NACC1: variants seen among roughly 807,000 people sequenced by gnomAD.
NACC1 encodes nucleus accumbens-associated protein 1.
NACC1 carries 6 observed loss-of-function variants against 41.7 expected under a neutral mutation model. The observed-to-expected ratio is 0.14, with a 90% CI of 0.08 to 0.28. The LOEUF is 0.28. Among genes scored for constraint, NACC1 ranks in the 10% least tolerant of loss-of-function variants. The probability of loss-of-function intolerance (pLI) is 1.00; values close to 1 mark genes in which losing one functional copy is unlikely to be tolerated. For missense variants in NACC1, 434 were observed against 763.7 expected, an observed-to-expected ratio of 0.57 and a Z score of 5.09; for synonymous variants, 338 against 330.6, an observed-to-expected ratio of 1.02 and a Z score of -0.24.
intron 1 of NACC1, among the ~76,000 whole-genome samples, chr19:13,127,334 A>C (rs1168600592): frequency 2.8e-4 from 20 of 70,580 alleles, no homozygotes; most frequent in Non-Finnish European, 1.3e-4. Context: ...CGTCTCTACC[A>C]AAAAAAAAAA....
At chr19:13,124,174 G>A (rs184492021) in intron 1 of NACC1, among the ~76,000 whole-genome samples, 259 of 152,252 alleles carry the variant, frequency 1.7e-3, no homozygotes, top group Middle Eastern at 0.017. Flanking sequence ...TGAGGTGGGC[G>A]GATCACTTGA....
At chr19:13,128,420 TA>T (rs1185105991) in intron 1 of NACC1, among the ~76,000 whole-genome samples, 1 of 152,222 alleles carries the variant, frequency 6.6e-6, no homozygotes, top group Non-Finnish European at 1.5e-5. Flanking sequence ...ATACCACCGT[TA>T]TGACCTCAAT....
chr19:13,136,281 T>C lies in NACC1; in HGVS notation c.996T>C (p.Asn332=). 6.2e-7 allele frequency: 1 copy of C among 1,613,904 alleles called. No homozygotes were observed. Among genetic ancestry groups the C allele is most frequent in the Non-Finnish European group, 8.5e-7 (1 of 1,179,966 alleles). Residue 332 remains asparagine, a synonymous_variant, in exon 3 of 6, where the codon AAT becomes AAC. Transcript: ENST00000292431. The surrounding 1 kb of genome is among the most constrained non-coding windows in gnomAD (Gnocchi z 5.5). ...AGCAGGTAGCCCCCGAGTCCCGAAATCGCATCCGGGTTCGGCAAGACCTGG... is the reference window on the plus strand; with the variant it reads ...AGCAGGTAGCCCCCGAGTCCCGAAACCGCATCCGGGTTCGGCAAGACCTGG... ...LPEQVAPESR[N]RIRVRQDLAS...
chr19:13,127,693 G>GA lies in NACC1; in HGVS notation c.-8-7496dup, dbSNP rs71168659. ...CGAGACTCTGCCTCAAAAAAAAAAA[G>GA]AAAAAAAAAAATTAGCTGGATGTAG... On this transcript the variant is annotated intron_variant, in intron 1 of 5. Transcript: ENST00000292431. Among the ~76,000 whole-genome samples, 175 of 146,760 alleles carry GA rather than the reference G, an allele frequency of 1.2e-3. 1 individual carries two copies. The Middle Eastern group carries it at 0.017, about 14-fold the overall frequency.
Position 13,137,603 on chromosome 19 carries a change from G to T in NACC1, c.1324+28G>T. 1.3e-6 allele frequency: 2 copies of T among 1,536,932 alleles called. No individual in the cohort carries two copies. The highest frequency in any genetic ancestry group is 1.8e-6 in the Non-Finnish European group (2 of 1,137,096). ...GAGTGTTGGCCCAGCTGGACGAGGC[G>T]TGGGCCCGGGGCACGCAGGTTGACG... On this transcript the variant is annotated intron_variant, in intron 5 of 5. Coordinates refer to ENST00000292431, the MANE Select transcript of NACC1 (RefSeq NM_052876.4). The surrounding 1 kb of genome is among the most constrained non-coding windows in gnomAD (Gnocchi z 6.1).
intron 1 of NACC1, among the ~76,000 whole-genome samples, chr19:13,129,514 G>A (rs1323253506): frequency 6.6e-6 from 1 of 152,166 alleles, no homozygotes; most frequent in Non-Finnish European, 1.5e-5. Context: ...CCACACTGCA[G>A]CTCACCCCTG....
intron 1 of NACC1, among the ~76,000 whole-genome samples, chr19:13,124,564 GT>G (rs1255860163): frequency 6.6e-6 from 1 of 152,142 alleles, no homozygotes; most frequent in Non-Finnish European, 1.5e-5. Context: ...TTCACTAACT[GT>G]TTTCCTGGAC....
chr19:13,131,445 G>A (rs2019633307), intron 1 of NACC1: 1 of 152,220 alleles, frequency 6.6e-6, no homozygotes, highest in African/African-American at 2.4e-5. Flanking sequence ...GCTGCCCAGG[G>A]AGGTGGTTCA....
chr19:13,132,906 G>C (rs957424641), intron 1 of NACC1, among the ~76,000 whole-genome samples: 3 of 152,194 alleles, frequency 2.0e-5, no homozygotes, highest in Non-Finnish European at 4.4e-5. Context: ...GAGCAGGTCG[G>C]TGCTGGAGCC....
rs1245933408 is a variant in NACC1 at position 13,127,400 on chromosome 19, T to TTTTTTC, written c.-8-7800_-8-7799insTTTTTC. On this transcript the variant is annotated intron_variant, in intron 1 of 5. Coordinates refer to ENST00000292431, the MANE Select transcript of NACC1 (RefSeq NM_052876.4). ...TTTTTTTTTTTTTTTTTTTTTTTTT[T>TTTTTTC]CGGTTAACTGGATGGGCCGGGTGCC... Among the ~76,000 whole-genome samples, 13 of 100,870 alleles carry TTTTTTC rather than the reference T, an allele frequency of 1.3e-4. 2 individuals are homozygous for TTTTTTC. The highest frequency in any genetic ancestry group is 4.7e-4 in the African/African-American group (12 of 25,596). The allele number at this position is 100,870 out of a possible 152,430, so 66.2% of individuals were successfully genotyped here. A position where few individuals can be genotyped will look rare whatever the true frequency, so the allele number is the denominator to read the frequency against.
At position 13,136,189 on chromosome 19, in the gene NACC1, C is replaced by G; in HGVS notation, c.946+36C>G. 6.2e-7 allele frequency: 1 copy of G among 1,603,688 alleles called. No individual in the cohort carries two copies. Among genetic ancestry groups the G allele is most frequent in the South Asian group, 1.1e-5 (1 of 89,728 alleles). ...GTCCTGTCCCCCATCCCACCAGCCA[C>G]CCCTGCTCCTCCTGCCACTCGCGTG... On this transcript the variant is annotated intron_variant, in intron 2 of 5. Transcript: ENST00000292431. The surrounding 1 kb of genome is among the most constrained non-coding windows in gnomAD (Gnocchi z 5.5).
At chr19:13,125,437 T>C (rs1031301080) in intron 1 of NACC1, among the ~76,000 whole-genome samples, 45 of 124,740 alleles carry the variant, frequency 3.6e-4, no homozygotes, top group Non-Finnish European at 7.1e-4. Flanking sequence ...TTTTTTTTGG[T>C]GAGACGGAGA....
At chr19:13,135,084 G>C (rs569892572) in intron 1 of NACC1, 116 bp from the exon 2 acceptor site, 2 of 1,431,624 alleles carry the variant, frequency 1.4e-6, no homozygotes, top group Non-Finnish European at 1.8e-6. Flanking sequence ...TCCATCGTGC[G>C]GATGTCCCTC....
At chr19:13,134,635 C>G (rs1462320696) in intron 1 of NACC1, among the ~76,000 whole-genome samples, 6 of 152,212 alleles carry the variant, frequency 3.9e-5, no homozygotes, top group Non-Finnish European at 7.3e-5. Context: ...TCCCAAAGTG[C>G]TGAGATTACA....
chr19:13,136,743 C>G lies in NACC1; in HGVS notation c.1120+338C>G, dbSNP rs1296309587. Reference sequence around the variant, plus strand: ...GTCACAGGGGCGAATGCCTGTAGTCCTAGCTACTCAGGAGGCTGAGGTGGG... The same window carrying G: ...GTCACAGGGGCGAATGCCTGTAGTCGTAGCTACTCAGGAGGCTGAGGTGGG... On this transcript the variant is annotated intron_variant, in intron 3 of 5. Coordinates refer to ENST00000292431, the MANE Select transcript of NACC1 (RefSeq NM_052876.4). This position sits in a 1 kb window ranked among gnomAD's most constrained non-coding sequence, Gnocchi z 5.5. Among the ~76,000 whole-genome samples, 1 of 152,198 alleles carries G rather than the reference C, an allele frequency of 6.6e-6. No homozygotes were observed. Among genetic ancestry groups the G allele is most frequent in the Non-Finnish European group, 1.5e-5 (1 of 68,020 alleles).
chr19:13,118,600 A>C (rs1331826627), intron 1 of NACC1, 146 bp downstream of exon 1: 1 of 150,926 alleles, frequency 6.6e-6, no homozygotes, highest in Non-Finnish European at 1.5e-5. Context: ...GAGTGTGTGG[A>C]GGCCCAGCTA....
chr19:13,127,391 T>TTTTTTTTTTTTTTTTTTTTTTTTTG (rs2019577456), intron 1 of NACC1, among the ~76,000 whole-genome samples: 1 of 134,022 alleles, frequency 7.5e-6, no homozygotes, highest in African/African-American at 3.0e-5. Flanking sequence ...TTTTTTTTTT[T>TTTTTTTTTTTTTTTTTTTTTTTTTG]TTTTTTTTTC....
At chr19:13,128,609 C>G (rs985649040) in intron 1 of NACC1, among the ~76,000 whole-genome samples, 4 of 152,210 alleles carry the variant, frequency 2.6e-5, no homozygotes, top group African/African-American at 9.6e-5. Flanking sequence ...CCACTACTGC[C>G]CTTCCTAGAT....
At position 13,138,083 on chromosome 19, in the gene NACC1, G is replaced by T; in HGVS notation, c.1325-64G>T. 6.3e-7 allele frequency: 1 copy of T among 1,585,236 alleles called. No homozygotes were observed. The highest frequency in any genetic ancestry group is 1.7e-5 in the Admixed American group (1 of 58,968). ...AGTCGCAGATGCTGTAGGGGAGCTGGTGAGTAGGCCTTGTGGGAGTCACCT... is the reference window on the plus strand; with the variant it reads ...AGTCGCAGATGCTGTAGGGGAGCTGTTGAGTAGGCCTTGTGGGAGTCACCT... On this transcript the variant is annotated intron_variant, in intron 5 of 5. Transcript: ENST00000292431. The surrounding 1 kb of genome is among the most constrained non-coding windows in gnomAD (Gnocchi z 5.7).
Sources: gnomAD v4.1 joint callset for allele counts (sites outside exome capture counted in the v4.1 genomes callset) on GRCh38, gnomAD v4.1.1 for gene constraint, Gnocchi (gnomAD v3.1) non-coding constraint, MANE v1.5 for transcripts, NCBI Gene and HGNC (gene_info 2026-07-23, HGNC 2026-07-21) for gene names.